The following TBC1D31 variants were observed in gnomAD, a reference collection of about 807,000 sequenced individuals.
TBC1D31 encodes the protein WD repeat domain 67.
A neutral mutation model predicts 132.9 loss-of-function variants in TBC1D31; 99 were observed. The observed-to-expected ratio is 0.74, with a 90% CI of 0.63 to 0.88. TBC1D31 has a LOEUF of 0.88. Among genes scored for constraint, TBC1D31 ranks in the 40% least tolerant of loss-of-function variants. TBC1D31 has a pLI of 0.00. For missense variants in TBC1D31, 1,134 were observed against 1,256.6 expected, an observed-to-expected ratio of 0.90 and a Z score of 1.48; for synonymous variants, 385 against 419.4, an observed-to-expected ratio of 0.92 and a Z score of 1.00.
chr8:123,133,564 A>G (rs368455250), intron 16 of TBC1D31, among the ~76,000 whole-genome samples: 159 of 152,322 alleles, frequency 1.0e-3, no homozygotes, highest in African/African-American at 3.1e-3. Flanking sequence ...AGAGAGTTCC[A>G]TATCCCATAT....
intron 11 of TBC1D31, among the ~76,000 whole-genome samples, chr8:123,120,987 G>A (rs1417540853): frequency 7.5e-5 from 11 of 146,854 alleles, no homozygotes; most frequent in Admixed American, 6.1e-4. Context: ...TTTGAGACGG[G>A]AGTCTCACTG....
intron 17 of TBC1D31, among the ~76,000 whole-genome samples, chr8:123,134,771 AT>A (rs1346241229): frequency 6.6e-6 from 1 of 152,154 alleles, no homozygotes; most frequent in African/African-American, 2.4e-5. Flanking sequence ...TTGCCTCAGG[AT>A]TTTTTACCAA....
chr8:123,116,782 G>A (rs1818958604), intron 10 of TBC1D31, among the ~76,000 whole-genome samples: 1 of 152,138 alleles, frequency 6.6e-6, no homozygotes, highest in Non-Finnish European at 1.5e-5. Flanking sequence ...AGTGGCCAAA[G>A]CTGGAACAAT....
intron 1 of TBC1D31, among the ~76,000 whole-genome samples, chr8:123,075,251 A>C (rs778012543): frequency 3.3e-5 from 5 of 152,198 alleles, no homozygotes; most frequent in Admixed American, 2.0e-4. Context: ...TTCCTTGGGG[A>C]CTAGATAAAA....
At position 123,130,184 on chromosome 8, in the gene TBC1D31, A is replaced by AT; in HGVS notation, c.2271-10dup. 1 of 1,601,932 alleles carries AT rather than the reference A, an allele frequency of 6.2e-7. No homozygotes were observed. The highest frequency in any genetic ancestry group is 8.5e-7 in the Non-Finnish European group (1 of 1,174,894). On this transcript the variant is annotated splice_polypyrimidine_tract_variant and intron_variant, in intron 15 of 21. Coordinates refer to ENST00000287380, the MANE Select transcript of TBC1D31 (RefSeq NM_145647.4). ...TTGCTGTATTTGTTCCACTTGATGT[A>AT]TTTTGTATTTAAGGCTAGCTGCTGT...
chr8:123,120,337 T>C, intron 11 of TBC1D31, 149 bp downstream of exon 11: 1 of 673,108 alleles, frequency 1.5e-6, no homozygotes, highest in Non-Finnish European at 2.4e-6. Flanking sequence ...AAACATAAAA[T>C]AGACAATTGA....
At chr8:123,105,593 G>A (rs760878304) in intron 8 of TBC1D31, 129 bp downstream of exon 8, 7 of 865,908 alleles carry the variant, frequency 8.1e-6, no homozygotes, top group Non-Finnish European at 1.1e-5. Flanking sequence ...GAATAAAGTT[G>A]TAACCTAAAT....
rs1157660515 is a variant in TBC1D31 at position 123,072,729 on chromosome 8, G to C, written c.-41G>C. On this transcript the variant is annotated 5_prime_UTR_variant, in exon 1 of 22. Coordinates refer to ENST00000287380, the MANE Select transcript of TBC1D31 (RefSeq NM_145647.4). ...GGCCTGCCGGGAAGGCGCTGGGACG[G>C]TTACCCAGCGGGCCGCCGGCGGTCG... is the stretch of plus-strand genomic sequence containing the variant. 6.5e-7 allele frequency: 1 copy of C among 1,546,222 alleles called. No homozygotes were observed. Among genetic ancestry groups the C allele is most frequent in the Admixed American group, 2.0e-5 (1 of 50,860 alleles).
At chr8:123,081,848 G>A (rs1261645315) in intron 2 of TBC1D31, among the ~76,000 whole-genome samples, 2 of 148,660 alleles carry the variant, frequency 1.3e-5, no homozygotes, top group African/African-American at 2.5e-5. Context: ...AACTGCCCCC[G>A]TGATTCAATT....
At chr8:123,132,403 CTTTTTTTTTT>C (rs34901750) in intron 16 of TBC1D31, among the ~76,000 whole-genome samples, 5 of 55,442 alleles carry the variant, frequency 9.0e-5, no homozygotes, top group Admixed American at 4.0e-4. Flanking sequence ...TTTTTTAAGT[CTTTTTTTTTT>C]TTTTTTTTTT....
At chr8:123,148,498 G>C (rs982529388) in intron 20 of TBC1D31, among the ~76,000 whole-genome samples, 1 of 152,058 alleles carries the variant, frequency 6.6e-6, no homozygotes, top group Admixed American at 6.5e-5. Flanking sequence ...AGCAATTTGG[G>C]AGACTGAGGC....
chr8:123,142,777 C>A (rs1183100595), intron 19 of TBC1D31, among the ~76,000 whole-genome samples: 1 of 152,146 alleles, frequency 6.6e-6, no homozygotes, highest in Non-Finnish European at 1.5e-5. Context: ...AATGACTAAG[C>A]GTCTTTCTCA....
intron 19 of TBC1D31, 96 bp from the exon 20 acceptor site, chr8:123,144,621 A>G: frequency 8.3e-7 from 1 of 1,203,638 alleles, no homozygotes. Flanking sequence ...AATATAAAGG[A>G]AAGTGGATAG....
In TBC1D31 at chr8:123,077,195, C is replaced by T. The variant is rs765369582; in HGVS notation, c.162C>T (p.Gly54=). The change falls in exon 2 of 22, where the codon GGC becomes GGT. Residue 54 remains glycine, a synonymous_variant. Transcript: ENST00000287380. ...TGAATGTGGCTTTTGATGGCACAGG[C>T]GACTGCTTAATTGCTGGGGACCACC... ...RFLNVAFDGT[G]DCLIAGDHQG... 1.1e-5 allele frequency: 18 copies of T among 1,612,876 alleles called. No individual in the cohort carries two copies. The East Asian group carries it at 1.3e-4, about 12-fold the overall frequency.
chr8:123,084,936 T>A (rs1005054155), intron 4 of TBC1D31, among the ~76,000 whole-genome samples: 4 of 151,956 alleles, frequency 2.6e-5, no homozygotes, highest in South Asian at 2.1e-4. Context: ...ACTACAGGCA[T>A]GTACCACCAT....
intron 3 of TBC1D31, chr8:123,083,302 A>C (rs998546719): frequency 2.0e-5 from 3 of 153,310 alleles, no homozygotes; most frequent in African/African-American, 7.2e-5. Flanking sequence ...TTCCCTACCA[A>C]GCTGTTTTCT....
chr8:123,080,092 A>G (rs1196354332), intron 2 of TBC1D31, among the ~76,000 whole-genome samples: 1 of 152,222 alleles, frequency 6.6e-6, no homozygotes, highest in Non-Finnish European at 1.5e-5. Context: ...TAAGTTATTA[A>G]TATCTATCAT....
In TBC1D31 at chr8:123,152,022, T is replaced by G; in HGVS notation, c.*83T>G. 1 of 1,274,254 alleles carries G rather than the reference T, an allele frequency of 7.8e-7. No homozygotes were observed. Among genetic ancestry groups the G allele is most frequent in the Non-Finnish European group, 1.0e-6 (1 of 980,954 alleles). The allele number at this position is 1,274,254 out of a possible 1,614,324, so 78.9% of individuals were successfully genotyped here. ...GATTTTTAGATTATTTATTTAAAAT[T>G]CCTATAAAGATCAGCCCTTTGTACA... On this transcript the variant is annotated 3_prime_UTR_variant, in exon 22 of 22. Coordinates refer to ENST00000287380, the MANE Select transcript of TBC1D31 (RefSeq NM_145647.4).
intron 7 of TBC1D31, chr8:123,103,537 C>T (rs140024976): frequency 0.023 from 3,557 of 152,350 alleles, 54 homozygotes; most frequent in Non-Finnish European, 0.036. Context: ...ATTCTCCTGC[C>T]TCAGCCTCCC....
Sources: allele counts gnomAD v4.1 joint callset (sites outside exome capture counted in the v4.1 genomes callset), GRCh38; gene constraint gnomAD v4.1.1; transcripts MANE v1.5; gene names NCBI Gene and HGNC (gene_info 2026-07-23, HGNC 2026-07-21).